Variants in ABHD5 observed in about 807,000 individuals in gnomAD.
ABHD5 encodes 1-acylglycerol-3-phosphate O-acyltransferase ABHD5.
Under a neutral mutation model 44.9 loss-of-function variants are expected in ABHD5, and 30 were observed. That is an observed-to-expected ratio of 0.67 (90% CI 0.50 to 0.91). ABHD5 has a LOEUF of 0.91. Ranked by LOEUF, ABHD5 falls within the 40% of genes least tolerant of loss-of-function variation. ABHD5 has a pLI of 0.00. For missense variants in ABHD5, 399 were observed against 423.4 expected (o/e 0.94, Z 0.50); for synonymous variants, 167 against 147.0 (o/e 1.14, Z -0.99).
chr3:43,713,647 T>C (rs1186757350), intron 4 of ABHD5, among the ~76,000 whole-genome samples: 1 of 152,206 alleles, frequency 6.6e-6, no homozygotes, highest in Non-Finnish European at 1.5e-5. Flanking sequence ...AGCCACTCCT[T>C]ACTATGCCTG....
chr3:43,714,624 G>A (rs760040427), intron 4 of ABHD5, among the ~76,000 whole-genome samples: 2 of 152,026 alleles, frequency 1.3e-5, no homozygotes, highest in African/African-American at 2.4e-5. Flanking sequence ...TAATTTTTAC[G>A]TACGAGCTAC....
At chr3:43,731,307 T>G (rs2084911452) in intron 7 of ABHD5, among the ~76,000 whole-genome samples, 1 of 152,214 alleles carries the variant, frequency 6.6e-6, no homozygotes, top group Non-Finnish European at 1.5e-5. Flanking sequence ...ATAGAAAGTT[T>G]CAACAGACTG....
At chr3:43,728,119 T>C (rs777358871) in intron 7 of ABHD5, among the ~76,000 whole-genome samples, 3 of 152,198 alleles carry the variant, frequency 2.0e-5, no homozygotes, top group Non-Finnish European at 4.4e-5. Flanking sequence ...GGCCCATTGT[T>C]CCTGAGGACT....
At chr3:43,725,149 C>T (rs2084869109), downstream of ABHD5, among the ~76,000 whole-genome samples, 2 of 152,114 alleles carry the variant, frequency 1.3e-5, no homozygotes, top group South Asian at 4.1e-4. Context: ...TCTCTTCTCC[C>T]TAACTAAGAA....
chr3:43,705,924 A>T (rs984633547), intron 3 of ABHD5, among the ~76,000 whole-genome samples: 1 of 152,138 alleles, frequency 6.6e-6, no homozygotes, highest in Non-Finnish European at 1.5e-5. Flanking sequence ...GCAAATTTGT[A>T]CAAATTTACA....
chr3:43,693,585 C>T (rs140135981), intron 1 of ABHD5, among the ~76,000 whole-genome samples: 53 of 152,232 alleles, frequency 3.5e-4, no homozygotes, highest in African/African-American at 1.2e-3. Flanking sequence ...ATCCCAATGG[C>T]CTTCTAGTTT....
chr3:43,724,630 A>G (rs1471398293), downstream of ABHD5, among the ~76,000 whole-genome samples: 1 of 152,218 alleles, frequency 6.6e-6, no homozygotes, highest in African/African-American at 2.4e-5. Context: ...GTAGATCTCT[A>G]TATAAGTGGC....
At chr3:43,694,354 C>T (rs892052053) in intron 1 of ABHD5, among the ~76,000 whole-genome samples, 1 of 149,494 alleles carries the variant, frequency 6.7e-6, no homozygotes, top group African/African-American at 2.5e-5. Flanking sequence ...TTAGTTTAAT[C>T]TCATGGTTCT....
At chr3:43,702,613 G>A (rs775175189) in intron 3 of ABHD5, 26 bp downstream of exon 3, 18 of 1,614,044 alleles carry the variant, frequency 1.1e-5, no homozygotes, top group East Asian at 2.2e-5. Flanking sequence ...AGAAGAGAGG[G>A]ATTATAACTG....
intron 3 of ABHD5, among the ~76,000 whole-genome samples, chr3:43,711,188 A>G (rs1575604510): frequency 6.6e-6 from 1 of 152,354 alleles, no homozygotes; most frequent in Middle Eastern, 3.4e-3. Context: ...AAGTTAATTT[A>G]AAGTACTTTT....
Position 43,718,654 on chromosome 3 carries a change from T to C in ABHD5, c.*122T>C. On this transcript the variant is annotated 3_prime_UTR_variant, in exon 7 of 7. Coordinates refer to ENST00000644371, the MANE Select transcript of ABHD5 (RefSeq NM_016006.6). ...CCAGGCAGCCTTCTTGACTATACTT[T>C]GCACATGTTTTCTTTAGGAATTCAC... 1.1e-6 allele frequency: 1 copy of C among 929,116 alleles called. No individual in the cohort carries two copies. Among genetic ancestry groups the C allele is most frequent in the Non-Finnish European group, 1.7e-6 (1 of 573,248 alleles). The allele number at this position is 929,116 out of a possible 1,614,324, so 57.6% of individuals were successfully genotyped here. A position where few individuals can be genotyped will look rare whatever the true frequency, so the allele number is the denominator to read the frequency against.
At chr3:43,695,288 T>G (rs2084459616) in intron 1 of ABHD5, 1 of 152,230 alleles carries the variant, frequency 6.6e-6, no homozygotes, top group South Asian at 2.1e-4. Context: ...AGGAAGTATC[T>G]CAGATAAATA....
Position 43,699,263 on chromosome 3 carries a change from T to G in ABHD5, c.48-13T>G. 1 of 1,611,676 alleles carries G rather than the reference T, an allele frequency of 6.2e-7. No homozygotes were observed. Among genetic ancestry groups the G allele is most frequent in the Non-Finnish European group, 8.5e-7 (1 of 1,177,760 alleles). The stretch of plus-strand genomic sequence containing the variant: ...GAACTCACCTATTTGTTATTTTGTT[T>G]TTGGTGCTCTAGGTCAGGATGGCTA... On this transcript the variant is annotated splice_polypyrimidine_tract_variant and intron_variant, in intron 1 of 6. Transcript: ENST00000644371.
In ABHD5 at chr3:43,718,524, G is replaced by A. The variant is rs371935807; in HGVS notation, c.1042G>A (p.Val348Met). 6.2e-7 allele frequency: 1 copy of A among 1,613,928 alleles called. No homozygotes were observed. Among genetic ancestry groups the A allele is most frequent in the African/African-American group, 1.3e-5 (1 of 74,936 alleles). Residue 348 changes from valine to methionine, a missense_variant, in exon 7 of 7, where the codon GTG becomes ATG. Transcript: ENST00000644371. Reference protein sequence around the residue: ...NQKVKEICDTVD With the variant: ...NQKVKEICDTMD ...GAAAGTAAAGGAGATCTGCGACACT[G>A]TGGACTGAACACACTGAAGCTCTGA... is the stretch of plus-strand genomic sequence containing the variant.
downstream of ABHD5, among the ~76,000 whole-genome samples, chr3:43,723,990 G>A (rs117890493): frequency 1.2e-3 from 176 of 152,162 alleles, 2 homozygotes; most frequent in East Asian, 0.029. Flanking sequence ...ATTTTAACTA[G>A]GATTTACCTG....
downstream of ABHD5, among the ~76,000 whole-genome samples, chr3:43,726,331 C>T (rs1156558823): frequency 6.6e-6 from 1 of 152,182 alleles, no homozygotes; most frequent in Non-Finnish European, 1.5e-5. Flanking sequence ...CCCAACCGAT[C>T]TTTAACATAT....
chr3:43,728,401 A>G (rs1240147112), intron 7 of ABHD5, among the ~76,000 whole-genome samples: 2 of 152,256 alleles, frequency 1.3e-5, no homozygotes, highest in African/African-American at 4.8e-5. Flanking sequence ...AATCTTGAGT[A>G]ATGAGTGTTT....
intron 1 of ABHD5, among the ~76,000 whole-genome samples, chr3:43,698,232 A>G (rs959246469): frequency 6.6e-6 from 1 of 152,192 alleles, no homozygotes; most frequent in African/African-American, 2.4e-5. Context: ...ATCTCCAACC[A>G]GTTATCAAAT....
At chr3:43,705,291 A>G (rs969110159) in intron 3 of ABHD5, among the ~76,000 whole-genome samples, 3 of 152,196 alleles carry the variant, frequency 2.0e-5, no homozygotes, top group South Asian at 2.1e-4. Context: ...AGTTTCAGAT[A>G]TGCAAGCATA....
Sources: gnomAD v4.1 joint callset for allele counts (sites outside exome capture counted in the v4.1 genomes callset) on GRCh38, gnomAD v4.1.1 for gene constraint, MANE v1.5 for transcripts, NCBI Gene and HGNC (gene_info 2026-07-23, HGNC 2026-07-21) for gene names.